Variants in SGIP1 observed in about 807,000 individuals in gnomAD.
SGIP1 encodes the protein SH3GL interacting endocytic adaptor 1.
A neutral mutation model predicts 107.5 loss-of-function variants in SGIP1; 38 were observed. That is an observed-to-expected ratio of 0.35 (90% CI 0.27 to 0.46). The LOEUF (loss-of-function observed/expected upper bound fraction) is 0.46, where lower values mean the gene tolerates loss of function less well. SGIP1 is among the 20% of genes least tolerant of loss of function. The probability of loss-of-function intolerance (pLI) is 1.00; values close to 1 mark genes in which losing one functional copy is unlikely to be tolerated. For synonymous variants in SGIP1, 365 were observed against 366.1 expected (o/e 1.00, Z 0.03); for missense variants, 929 against 1,019.5 (o/e 0.91, Z 1.21).
intron 1 of SGIP1, among the ~76,000 whole-genome samples, chr1:66,611,986 G>A (rs1402870409): frequency 6.6e-6 from 1 of 152,056 alleles, no homozygotes; most frequent in Non-Finnish European, 1.5e-5. Flanking sequence ...GTCCACTTGT[G>A]TTGCTATAAG....
chr1:66,709,131 A>C (rs1394023394), intron 18 of SGIP1, among the ~76,000 whole-genome samples: 1 of 152,074 alleles, frequency 6.6e-6, no homozygotes. Context: ...TGCTGTACCC[A>C]TCAACCCATC....
intron 3 of SGIP1, chr1:66,634,177 C>G (rs2075344394): frequency 6.2e-7 from 1 of 1,604,342 alleles, no homozygotes; most frequent in Non-Finnish European, 8.5e-7. Context: ...CTCTCTGCTT[C>G]TGTGTCTCTT....
chr1:66,550,249 A>G (rs919396537), intron 1 of SGIP1, among the ~76,000 whole-genome samples: 7 of 152,136 alleles, frequency 4.6e-5, no homozygotes, highest in Admixed American at 4.6e-4. Flanking sequence ...TTGTCAGTGC[A>G]TATGTGTTAC....
At chr1:66,732,754 T>C (rs1040757299) in intron 20 of SGIP1, among the ~76,000 whole-genome samples, 3 of 152,174 alleles carry the variant, frequency 2.0e-5, no homozygotes, top group Non-Finnish European at 4.4e-5. Flanking sequence ...TTTAACAAGT[T>C]TGCTCATCTT....
intron 15 of SGIP1, among the ~76,000 whole-genome samples, chr1:66,683,177 T>C (rs2087204413): frequency 6.6e-6 from 1 of 152,196 alleles, no homozygotes; most frequent in South Asian, 2.1e-4. Context: ...ACCAAAGCAA[T>C]ATCAATATTT....
At chr1:66,627,183 C>A in intron 2 of SGIP1, among the ~76,000 whole-genome samples, 1 of 151,848 alleles carries the variant, frequency 6.6e-6, no homozygotes, top group East Asian at 1.9e-4. Flanking sequence ...TTACAAGCAA[C>A]TAAGATGGGA....
chr1:66,573,191 C>T (rs11208910), intron 1 of SGIP1, among the ~76,000 whole-genome samples: 21,795 of 151,994 alleles, frequency 0.14, 1,961 homozygotes, highest in East Asian at 0.32. Flanking sequence ...TATGCACTTA[C>T]AGGATATGAA....
At chr1:66,705,978 GTTTACC>G (rs1423327534) in intron 18 of SGIP1, among the ~76,000 whole-genome samples, 1 of 151,972 alleles carries the variant, frequency 6.6e-6, no homozygotes. Context: ...CATGGCACAT[GTTTACC>G]TATGTAACAA....
At chr1:66,551,715 G>A (rs752332024) in intron 1 of SGIP1, among the ~76,000 whole-genome samples, 6 of 152,088 alleles carry the variant, frequency 3.9e-5, no homozygotes, top group Non-Finnish European at 8.8e-5. Context: ...GCCCTTAGGT[G>A]TTGCCTTTTT....
At position 66,734,016 on chromosome 1, in the gene SGIP1, GA is replaced by G. The variant is rs1390236817; in HGVS notation, c.2031+139del. The G allele has an allele frequency of 1.3e-5, 13 of 975,408 alleles. No individual in the cohort carries two copies. In the South Asian group the frequency reaches 4.3e-4, roughly 32 times the overall value. The allele number at this position is 975,408 out of a possible 1,614,324, so 60.4% of individuals were successfully genotyped here. A position where few individuals can be genotyped will look rare whatever the true frequency, so the allele number is the denominator to read the frequency against. On this transcript the variant is annotated intron_variant, in intron 21 of 24. Coordinates refer to ENST00000371037, the MANE Select transcript of SGIP1 (RefSeq NM_032291.4). ...AAGCTATAACTCATTTTTTTAAATG[GA>G]AACTTTAAAAGATAACTTGGGGACT...
chr1:66,544,697 A>G (rs1315513933), intron 1 of SGIP1, among the ~76,000 whole-genome samples: 1 of 152,062 alleles, frequency 6.6e-6, no homozygotes, highest in Non-Finnish European at 1.5e-5. Flanking sequence ...TCAAAAACAA[A>G]CATACATATA....
intron 18 of SGIP1, chr1:66,704,800 T>C (rs993311416): frequency 1.5e-4 from 23 of 152,192 alleles, no homozygotes; most frequent in African/African-American, 5.3e-4. Context: ...CTCAGGAGAA[T>C]CTCCCACTTA....
chr1:66,596,026 G>A (rs1026461378), intron 1 of SGIP1, among the ~76,000 whole-genome samples: 1 of 152,216 alleles, frequency 6.6e-6, no homozygotes, highest in Admixed American at 6.5e-5. Context: ...ATCTACATGT[G>A]TTATAAAATC....
rs377501733 is a variant in SGIP1, at chr1:66,735,726, G to A, written c.2031+1846G>A. Among the ~76,000 whole-genome samples the A allele has an allele frequency of 8.2e-3, 541 of 66,266 alleles. 162 individuals are homozygous for A. The highest frequency in any genetic ancestry group is 0.05 in the East Asian group (223 of 4,466). The allele number at this position is 66,266 out of a possible 152,430, so 43.5% of individuals were successfully genotyped here. ...TCCCAGCTACTCGGGAGGCTGAGGC[G>A]GGAGAATGGCGTGAACCCGGGAGGC... On this transcript the variant is annotated intron_variant, in intron 21 of 24. Coordinates refer to ENST00000371037, the MANE Select transcript of SGIP1 (RefSeq NM_032291.4).
intron 1 of SGIP1, among the ~76,000 whole-genome samples, chr1:66,587,914 T>G (rs963779808): frequency 6.6e-6 from 1 of 152,190 alleles, no homozygotes; most frequent in South Asian, 2.1e-4. Context: ...TAAAAGCATC[T>G]ACTTCCTTTA....
At chr1:66,585,358 T>G (rs553344786) in intron 1 of SGIP1, among the ~76,000 whole-genome samples, 2 of 152,334 alleles carry the variant, frequency 1.3e-5, no homozygotes, top group African/African-American at 4.8e-5. Context: ...AAGTTTAATG[T>G]CTATTAGGCC....
At chr1:66,706,521 TTTCTC>T (rs1274092132) in intron 18 of SGIP1, among the ~76,000 whole-genome samples, 2 of 149,372 alleles carry the variant, frequency 1.3e-5, no homozygotes, top group African/African-American at 4.9e-5. Context: ...AATATTATCT[TTTCTC>T]TTTAATAAAT....
intron 22 of SGIP1, among the ~76,000 whole-genome samples, chr1:66,740,323 G>T (rs1444154478): frequency 3.3e-5 from 5 of 151,162 alleles, no homozygotes; most frequent in Non-Finnish European, 7.4e-5. Context: ...ATGTCAGCCA[G>T]ATCATGACCC....
rs141370211 is a variant in SGIP1, at chr1:66,675,537, C to CTTTTTTTTTTTTTTTTTTTTTTTT, written c.647-1464_647-1463insTTTTTTTTTTTTTTTTTTTTTTTT. 4.1e-4 allele frequency among the ~76,000 whole-genome samples: 45 copies of CTTTTTTTTTTTTTTTTTTTTTTTT among 109,230 alleles called. 6 individuals carry two copies. The highest frequency in any genetic ancestry group is 1.1e-3 in the African/African-American group (26 of 24,234). The allele number at this position is 109,230 out of a possible 152,430, so 71.7% of individuals were successfully genotyped here. A position where few individuals can be genotyped will look rare whatever the true frequency, so the allele number is the denominator to read the frequency against. On this transcript the variant is annotated intron_variant, in intron 12 of 24. Transcript: ENST00000371037. ...TTTCGTTGTTTTTCTTTTTCTTTTT[C>CTTTTTTTTTTTTTTTTTTTTTTTT]TTTCTTTTTTTTTTTTTTTTTTGAC... is the stretch of plus-strand genomic sequence containing the variant.
Sources: allele counts gnomAD v4.1 joint callset (sites outside exome capture counted in the v4.1 genomes callset), GRCh38; gene constraint gnomAD v4.1.1; transcripts MANE v1.5; gene names NCBI Gene and HGNC (gene_info 2026-07-23, HGNC 2026-07-21).